The following EXT2 variants were observed in gnomAD, a reference collection of about 807,000 sequenced individuals.
The protein encoded by EXT2 is exostosin-2.
A neutral mutation model predicts 81.6 loss-of-function variants in EXT2; 53 were observed. The ratio of observed to expected loss-of-function variants is 0.65; its 90% CI spans 0.52 to 0.82. EXT2 has a LOEUF of 0.82. Ranked by LOEUF, EXT2 falls within the 40% of genes least tolerant of loss-of-function variation. EXT2 has a pLI of 0.00. For synonymous variants in EXT2, 320 were observed against 340.0 expected (o/e 0.94, Z 0.65); for missense variants, 774 against 910.2 (o/e 0.85, Z 1.93).
rs1227008529 is a variant in EXT2, at chr11:44,159,427, CA to C, written c.1174-12183del. On this transcript the variant is annotated intron_variant, in intron 7 of 13. Transcript: ENST00000533608. ...CAGAGATTATTTCCTCAGTTATATC[CA>C]GTTTAATAATTAGCCCATCTTCATT... Among the ~76,000 whole-genome samples, 4 of 151,874 alleles carry C rather than the reference CA, an allele frequency of 2.6e-5. No homozygotes were observed. The South Asian group carries it at 8.3e-4, about 31-fold the overall frequency.
intron 9 of EXT2, among the ~76,000 whole-genome samples, chr11:44,201,317 T>G (rs183086142): frequency 6.6e-6 from 1 of 152,316 alleles, no homozygotes; most frequent in African/African-American, 2.4e-5. Context: ...AGTAGAGAAG[T>G]GAAGTTCATA....
intron 13 of EXT2, among the ~76,000 whole-genome samples, chr11:44,238,621 C>T (rs1349867515): frequency 6.6e-6 from 1 of 152,140 alleles, no homozygotes; most frequent in Non-Finnish European, 1.5e-5. Context: ...GAGAGAGGCT[C>T]AAAGGGCTGT....
chr11:44,248,449 A>G lies in EXT2; in HGVS notation c.*4162A>G, dbSNP rs1462102163. 3.3e-5 allele frequency among the ~76,000 whole-genome samples: 5 copies of G among 151,930 alleles called. No individual in the cohort carries two copies. Among genetic ancestry groups the G allele is most frequent in the African/African-American group, 1.2e-4 (5 of 41,358 alleles). On this transcript the variant is annotated 3_prime_UTR_variant, in exon 14 of 14. Transcript: ENST00000533608. ...CCCCTGAGCTCTGTCCAAGCCCTGG[A>G]CCTCCTGTCCTCGGCCTGTGTTTGG...
intron 6 of EXT2, among the ~76,000 whole-genome samples, chr11:44,129,375 A>C (rs1044230030): frequency 9.2e-5 from 14 of 151,984 alleles, no homozygotes; most frequent in Admixed American, 8.5e-4. Context: ...TGTCTGTCCC[A>C]TTTCTTCTTT....
chr11:44,225,423 C>G (rs560038246), intron 10 of EXT2, among the ~76,000 whole-genome samples: 28 of 152,240 alleles, frequency 1.8e-4, no homozygotes, highest in African/African-American at 6.0e-4. Flanking sequence ...AAACCACATT[C>G]ACAAAGAGCC....
intron 4 of EXT2, among the ~76,000 whole-genome samples, chr11:44,120,277 A>G (rs1954297057): frequency 6.6e-6 from 1 of 152,178 alleles, no homozygotes. Context: ...GTCAGTTTCT[A>G]AAGTTCTGTG....
In EXT2 at chr11:44,146,553, G is replaced by A. The variant is rs546886481; in HGVS notation, c.1173+16415G>A. Among the ~76,000 whole-genome samples, 90 of 152,272 alleles carry A rather than the reference G, an allele frequency of 5.9e-4. No homozygotes were observed. The South Asian group carries it at 0.011, about 19-fold the overall frequency. Reference sequence around the variant, plus strand: ...GGCGCTTTCACTACCACCTCATTCCGTTGCAAGTTGAAACACTGAGAACCG... The same window carrying A: ...GGCGCTTTCACTACCACCTCATTCCATTGCAAGTTGAAACACTGAGAACCG... On this transcript the variant is annotated intron_variant, in intron 7 of 13. Coordinates refer to ENST00000533608, the MANE Select transcript of EXT2 (RefSeq NM_207122.2).
Position 44,244,385 on chromosome 11 carries a change from A to C in EXT2, c.*98A>C. The C allele has an allele frequency of 7.3e-7, 1 of 1,373,306 alleles. No individual in the cohort carries two copies. Among genetic ancestry groups the C allele is most frequent in the Non-Finnish European group, 1.0e-6 (1 of 966,034 alleles). The allele number at this position is 1,373,306 out of a possible 1,614,324, so 85.1% of individuals were successfully genotyped here. On this transcript the variant is annotated 3_prime_UTR_variant, in exon 14 of 14. Coordinates refer to ENST00000533608, the MANE Select transcript of EXT2 (RefSeq NM_207122.2). ...TGTCAGAGTAGTAGGTTAAGGGTGG[A>C]AGGTTGACCTACTTGGATCTTGGCA...
At chr11:44,112,611 G>A (rs898685838) in intron 3 of EXT2, among the ~76,000 whole-genome samples, 18 of 152,312 alleles carry the variant, frequency 1.2e-4, no homozygotes, top group Admixed American at 7.2e-4. Context: ...AGCAGGGCTG[G>A]CATGAGGCCA....
chr11:44,207,773 A>G (rs1395077954), intron 10 of EXT2, among the ~76,000 whole-genome samples: 2 of 152,178 alleles, frequency 1.3e-5, no homozygotes, highest in African/African-American at 2.4e-5. Flanking sequence ...AAATGAAGCT[A>G]TATTTAGTAC....
At position 44,098,654 on chromosome 11, in the gene EXT2, C is replaced by G. The variant is rs367563161; in HGVS notation, c.-31+2802C>G. 6.1e-5 allele frequency among the ~76,000 whole-genome samples: 9 copies of G among 146,544 alleles called. No homozygotes were observed. The East Asian group carries it at 1.4e-3, about 23-fold the overall frequency. ...AGGTTGCAGTGAGCCGAGATGACACCACTGCACTCCAGCCTGGGCAACAGA... is the reference window on the plus strand; with the variant it reads ...AGGTTGCAGTGAGCCGAGATGACACGACTGCACTCCAGCCTGGGCAACAGA... On this transcript the variant is annotated intron_variant, in intron 1 of 13. Coordinates refer to ENST00000533608, the MANE Select transcript of EXT2 (RefSeq NM_207122.2).
chr11:44,204,781 A>G (rs537877912), intron 9 of EXT2, among the ~76,000 whole-genome samples: 4 of 152,130 alleles, frequency 2.6e-5, no homozygotes, highest in Non-Finnish European at 5.9e-5. Flanking sequence ...TCCTAAAACC[A>G]TCCCCGCCCC....
Position 44,250,748 on chromosome 11 carries a change from T to G in EXT2, c.*6461T>G, listed in dbSNP as rs528161986. ...GGGCCCTGCATGGCTGGCTGCTGTC[T>G]GAAGCTATTTGGAGTCCTCTCCCTG... On this transcript the variant is annotated 3_prime_UTR_variant, in exon 14 of 14. Coordinates refer to ENST00000533608, the MANE Select transcript of EXT2 (RefSeq NM_207122.2). Among the ~76,000 whole-genome samples, 1 of 152,366 alleles carries G rather than the reference T, an allele frequency of 6.6e-6. No homozygotes were observed. Among genetic ancestry groups the G allele is most frequent in the East Asian group, 1.9e-4 (1 of 5,190 alleles).
At chr11:44,123,046 G>A (rs567063554) in intron 4 of EXT2, among the ~76,000 whole-genome samples, 1 of 152,180 alleles carries the variant, frequency 6.6e-6, no homozygotes, top group African/African-American at 2.4e-5. Flanking sequence ...TCCTGAGGAC[G>A]TAAAAGCAGT....
intron 3 of EXT2, among the ~76,000 whole-genome samples, chr11:44,113,340 G>A (rs1343585515): frequency 6.6e-6 from 1 of 152,188 alleles, no homozygotes; most frequent in African/African-American, 2.4e-5. Context: ...TTTGTAGTGT[G>A]TGTTGCCCTA....
At chr11:44,122,688 G>T (rs183039374) in intron 4 of EXT2, among the ~76,000 whole-genome samples, 60 of 152,310 alleles carry the variant, frequency 3.9e-4, no homozygotes, top group Non-Finnish European at 6.6e-4. Flanking sequence ...CTGCTGGGTT[G>T]CTGTTGTATA....
At chr11:44,146,591 C>G (rs1257211187) in intron 7 of EXT2, among the ~76,000 whole-genome samples, 1 of 152,172 alleles carries the variant, frequency 6.6e-6, no homozygotes, top group East Asian at 1.9e-4. Context: ...CTGTTGGGCT[C>G]AACTCAGAAT....
At position 44,124,814 on chromosome 11, in the gene EXT2, T is replaced by C; in HGVS notation, c.769T>C (p.Ser257Pro). ...PGPRQYFLLS[S>P]QVGLHPEYRE... The stretch of plus-strand genomic sequence containing the variant: ...TCCACGGCAATACTTCCTCCTGTCA[T>C]CTCAGGTGGGTCTCCATCCTGAGTA... The change falls in exon 5 of 14, where the codon TCT (serine) becomes CCT (proline). Residue 257 changes from serine to proline, a missense_variant. Around this residue, in one of 2 missense-constraint regions of EXT2, gnomAD observed 626 missense variants for 670.5 expected, o/e 0.93. Transcript: ENST00000533608. 1 of 1,614,112 alleles carries C rather than the reference T, an allele frequency of 6.2e-7. No homozygotes were observed. The highest frequency in any genetic ancestry group is 2.2e-5 in the East Asian group (1 of 44,874).
chr11:44,119,512 A>T (rs1954286094), intron 4 of EXT2, among the ~76,000 whole-genome samples: 1 of 152,214 alleles, frequency 6.6e-6, no homozygotes, highest in Admixed American at 6.5e-5. Context: ...CTTAGCACCC[A>T]GGACCTTTCT....
Sources: allele counts gnomAD v4.1 joint callset (sites outside exome capture counted in the v4.1 genomes callset), GRCh38; gene constraint gnomAD v4.1.1; regional missense constraint gnomAD v4.1.1; transcripts MANE v1.5; gene names NCBI Gene and HGNC (gene_info 2026-07-23, HGNC 2026-07-21).